TANC1: variants seen among roughly 807,000 people sequenced by gnomAD.
TANC1 encodes tetratricopeptide repeat, ankyrin repeat and coiled-coil containing 1.
In TANC1, 77 loss-of-function variants were observed where a neutral mutation model predicts 149.7. The ratio of observed to expected loss-of-function variants is 0.51; its 90% confidence interval spans 0.43 to 0.62. The LOEUF (loss-of-function observed/expected upper bound fraction) is 0.62, where lower values mean the gene tolerates loss of function less well. Ranked by LOEUF, TANC1 falls within the 20% of genes least tolerant of loss-of-function variation. The pLI is 0.00. For missense variants in TANC1, 1,985 were observed against 2,321.8 expected, an observed-to-expected ratio of 0.85 and a Z score of 2.98; for synonymous variants, 854 against 925.0, an observed-to-expected ratio of 0.92 and a Z score of 1.39.
chr2:159,069,899 G>A (rs1490646419), intron 3 of TANC1, among the ~76,000 whole-genome samples: 1 of 151,146 alleles, frequency 6.6e-6, no homozygotes, highest in Non-Finnish European at 1.5e-5. Context: ...CTCCTGAGTA[G>A]CCACCACGCT....
chr2:159,158,691 C>G (rs969076902), intron 7 of TANC1, among the ~76,000 whole-genome samples: 1 of 152,212 alleles, frequency 6.6e-6, no homozygotes, highest in African/African-American at 2.4e-5. Context: ...TGAGGAGTCA[C>G]ATTCATAAGA....
intron 4 of TANC1, among the ~76,000 whole-genome samples, chr2:159,113,328 A>G (rs4665025): frequency 0.089 from 13,622 of 152,228 alleles, 845 homozygotes; most frequent in Admixed American, 0.17. Flanking sequence ...TCTACCCAGG[A>G]TATTGTATTG....
Position 159,108,566 on chromosome 2 carries a change from C to T in TANC1, c.259+10732C>T, listed in dbSNP as rs573824827. Among the ~76,000 whole-genome samples the T allele has an allele frequency of 3.9e-5, 6 of 152,334 alleles. 1 individual carries two copies. The South Asian group carries it at 1.0e-3, about 26-fold the overall frequency. ...CTGATTTACAGAGAAACAGAAGTCA[C>T]AGGAGCCCATGCAGGTGATTATATC... On this transcript the variant is annotated intron_variant, in intron 4 of 26. Transcript: ENST00000263635.
At chr2:158,973,782 C>G (rs1283080761) in intron 1 of TANC1, among the ~76,000 whole-genome samples, 1 of 152,166 alleles carries the variant, frequency 6.6e-6, no homozygotes, top group Non-Finnish European at 1.5e-5. Flanking sequence ...TATGAAGATT[C>G]TTAATGTTGT....
chr2:159,044,976 G>A (rs568005534), intron 2 of TANC1, among the ~76,000 whole-genome samples: 1 of 152,346 alleles, frequency 6.6e-6, no homozygotes, highest in South Asian at 2.1e-4. Flanking sequence ...CTGCCAAAAG[G>A]CGGAGCTTCT....
chr2:159,186,977 T>C lies in TANC1; in HGVS notation c.2695T>C (p.Ser899Pro). The change falls in exon 16 of 27, where the codon TCC (serine) becomes CCC (proline). Residue 899 changes from serine (S) to proline (P), a missense_variant. Around this residue, in one of 3 missense-constraint regions of TANC1, gnomAD observed 508 missense variants for 714.2 expected, o/e 0.71. Coordinates refer to ENST00000263635, the MANE Select transcript of TANC1 (RefSeq NM_033394.3). ...LWIGYSTEGL[S>P]AALASLRNLY... ...GATCGGCTACAGCACCGAGGGGCTG[T>C]CCGCCGCCCTGGCCTCTCTCAGGAA... The C allele has an allele frequency of 6.2e-7, 1 of 1,614,190 alleles. No homozygotes were observed.
At chr2:159,003,720 G>A (rs1210471632) in intron 2 of TANC1, among the ~76,000 whole-genome samples, 5 of 152,146 alleles carry the variant, frequency 3.3e-5, no homozygotes, top group Admixed American at 6.5e-5. Context: ...GCTGTATCAC[G>A]TTGGATCTGC....
intron 2 of TANC1, among the ~76,000 whole-genome samples, chr2:159,025,189 T>TTTTCCTTCTTTC (rs2039185332): frequency 9.5e-6 from 1 of 105,286 alleles, no homozygotes; most frequent in Middle Eastern, 4.7e-3. Flanking sequence ...TTTTTCTTTC[T>TTTTCCTTCTTTC]TTTCTTTCTT....
chr2:159,099,259 T>A (rs1425943289), intron 4 of TANC1, among the ~76,000 whole-genome samples: 1 of 152,162 alleles, frequency 6.6e-6, no homozygotes, highest in East Asian at 1.9e-4. Flanking sequence ...TTGACCTGTT[T>A]ATCAGTATTT....
chr2:159,059,884 C>T (rs2042103002), intron 2 of TANC1, among the ~76,000 whole-genome samples: 1 of 66,712 alleles, frequency 1.5e-5, no homozygotes, highest in Admixed American at 1.5e-4. Context: ...TCTAGCAGAC[C>T]TCTTTGTGTG....
intron 1 of TANC1, among the ~76,000 whole-genome samples, chr2:158,981,973 C>G (rs1485372167): frequency 6.6e-6 from 1 of 152,110 alleles, no homozygotes; most frequent in African/African-American, 2.4e-5. Flanking sequence ...GAAACCCAGA[C>G]AAGCAAATAA....
chr2:159,018,470 T>A (rs1463052591), intron 2 of TANC1, among the ~76,000 whole-genome samples: 1 of 150,142 alleles, frequency 6.7e-6, no homozygotes, highest in Middle Eastern at 3.2e-3. Flanking sequence ...ATTCTTTTTT[T>A]AAAAAACTGT....
chr2:159,084,821 T>C (rs1406984214), intron 3 of TANC1, among the ~76,000 whole-genome samples: 1 of 152,098 alleles, frequency 6.6e-6, no homozygotes, highest in Non-Finnish European at 1.5e-5. Flanking sequence ...TACACCTTGG[T>C]TAGGGAATAT....
In TANC1 at chr2:159,039,703, A is replaced by G. The variant is rs546851613; in HGVS notation, c.-15-26193A>G. Among the ~76,000 whole-genome samples, 7 of 152,254 alleles carry G rather than the reference A, an allele frequency of 4.6e-5. No homozygotes were observed. The East Asian group carries it at 9.7e-4, about 21-fold the overall frequency. On this transcript the variant is annotated intron_variant, in intron 2 of 26. Coordinates refer to ENST00000263635, the MANE Select transcript of TANC1 (RefSeq NM_033394.3). ...TCCTGAGTTCTAATTTGATTGCACT[A>G]TGGTCTGAGAGACGGTTTGTTGTGA... is the stretch of plus-strand genomic sequence containing the variant.
chr2:159,031,558 G>A (rs925347564), intron 2 of TANC1, among the ~76,000 whole-genome samples: 1 of 152,192 alleles, frequency 6.6e-6, no homozygotes, highest in Admixed American at 6.6e-5. Flanking sequence ...TTTTTCCCAA[G>A]TGTAAATTAT....
chr2:159,085,334 C>G (rs569958757), intron 3 of TANC1, among the ~76,000 whole-genome samples: 96 of 152,248 alleles, frequency 6.3e-4, no homozygotes, highest in African/African-American at 2.3e-3. Flanking sequence ...ACTCTCTTTT[C>G]TTTATTAATT....
chr2:159,219,975 A>AGTGTGTGTGTGT lies in TANC1; in HGVS notation c.3678+109_3678+110insTGTGTGTGTGTG, dbSNP rs775529868. 3.6e-4 allele frequency: 273 copies of AGTGTGTGTGTGT among 748,006 alleles called. 1 individual carries two copies. Among genetic ancestry groups the AGTGTGTGTGTGT allele is most frequent in the Admixed American group, 2.3e-3 (80 of 34,330 alleles). 46.3% of individuals were successfully genotyped at this position (748,006 alleles called of 1,614,324 possible). A position where few individuals can be genotyped will look rare whatever the true frequency, so the allele number is the denominator to read the frequency against. On this transcript the variant is annotated intron_variant, in intron 22 of 26. Coordinates refer to ENST00000263635, the MANE Select transcript of TANC1 (RefSeq NM_033394.3). Reference sequence around the variant, plus strand: ...TGAGGTTGTGTCTCAGTGTCATCAGAGAGTGTGTGTGTGTGTGTGTGTGTG... The same window carrying AGTGTGTGTGTGT: ...TGAGGTTGTGTCTCAGTGTCATCAGAGTGTGTGTGTGTGAGTGTGTGTGTGTGTGTGTGTGTG...
intron 19 of TANC1, among the ~76,000 whole-genome samples, chr2:159,206,175 A>C (rs187053067): frequency 7.7e-4 from 117 of 152,338 alleles, no homozygotes; most frequent in Non-Finnish European, 1.5e-3. Context: ...TGAAAGGAGC[A>C]AGATGGGGTG....
At chr2:158,969,067 C>T (rs952663716) in intron 1 of TANC1, among the ~76,000 whole-genome samples, 11 of 152,338 alleles carry the variant, frequency 7.2e-5, no homozygotes, top group African/African-American at 9.6e-5. Flanking sequence ...CCGAGCCGGC[C>T]TCCCCTGGAA....
Sources: allele counts gnomAD v4.1 joint callset (sites outside exome capture counted in the v4.1 genomes callset), GRCh38; gene constraint gnomAD v4.1.1; regional missense constraint gnomAD v4.1.1; transcripts MANE v1.5; gene names NCBI Gene and HGNC (gene_info 2026-07-23, HGNC 2026-07-21).